The following LIPE variants were observed in gnomAD, a reference collection of about 807,000 sequenced individuals.
LIPE encodes hormone-sensitive lipase.
Under a neutral mutation model 88.5 loss-of-function variants are expected in LIPE, and 66 were observed. The observed-to-expected ratio is 0.75, with a 90% CI of 0.61 to 0.91. LIPE has a LOEUF of 0.91. Ranked by LOEUF, LIPE falls within the 40% of genes least tolerant of loss-of-function variation. The probability of loss-of-function intolerance (pLI) is 0.00; values close to 1 mark genes in which losing one functional copy is unlikely to be tolerated. For missense variants in LIPE, 1,346 were observed against 1,434.7 expected (o/e 0.94, Z 1.00); for synonymous variants, 570 against 617.5 (o/e 0.92, Z 1.14).
chr19:42,405,349 C>T, intron 8 of LIPE, 36 bp downstream of exon 8: 1 of 1,600,294 alleles, frequency 6.2e-7, no homozygotes. Context: ...CTCCTGCCCA[C>T]CCTGGCTGGG....
At chr19:42,423,408 C>G (rs769422450) in intron 1 of LIPE, 3 of 1,289,470 alleles carry the variant, frequency 2.3e-6, no homozygotes, top group South Asian at 1.2e-5. Context: ...TGCCGGTCTC[C>G]GCGCGCTCAC....
chr19:42,403,083 T>C, intron 8 of LIPE, 52 bp from the exon 9 acceptor site: 3 of 1,477,270 alleles, frequency 2.0e-6, no homozygotes. Flanking sequence ...GTTGTGTGTG[T>C]GGCTGGCAGG....
chr19:42,407,380 C>A lies in LIPE; in HGVS notation c.1931G>T (p.Arg644Leu). The change falls in exon 6 of 10, where the codon CGG (arginine) becomes CTG (leucine). Residue 644 changes from arginine to leucine, a missense_variant. Physicochemically the swap from Arg to Leu is moderately radical, Grantham distance 102 (BLOSUM62 -2). Coordinates refer to ENST00000244289, the MANE Select transcript of LIPE (RefSeq NM_005357.4). This position sits in a 1 kb window ranked among gnomAD's most constrained non-coding sequence, Gnocchi z 5.8. ...GCCGTGGAAGTGCACTATCAGGGAC[C>A]GCGAGCGGGGTGCCTGCTGGGGGCG... ...WPRPQQAPRS[R>L]SLIVHFHGGG... is the part of the protein sequence containing the mutation. The A allele has an allele frequency of 6.2e-7, 1 of 1,613,542 alleles. No individual in the cohort carries two copies. The highest frequency in any genetic ancestry group is 8.5e-7 in the Non-Finnish European group (1 of 1,179,806).
At position 42,426,866 on chromosome 19, in the gene LIPE, G is replaced by T. The variant is rs1187422068; in HGVS notation, c.284C>A (p.Pro95Gln). 3.1e-6 allele frequency: 5 copies of T among 1,614,176 alleles called. No individual in the cohort carries two copies. Among genetic ancestry groups the T allele is most frequent in the Non-Finnish European group, 4.2e-6 (5 of 1,180,024 alleles). Residue 95 changes from proline to glutamine, a missense_variant, in exon 1 of 10, where the codon CCA becomes CAA. Pro to Gln is a moderately conservative substitution (Grantham distance 76). Transcript: ENST00000244289. ...CCTTTGGATGTAAGGTGATTGCTGT[G>T]GTGCGGGCTTCTGTGGGGCAAGAAA... ...EEFLAPQKPA[P>Q]QQSPYIQRVL...
chr19:42,409,450 T>G (rs940104962), intron 2 of LIPE, among the ~76,000 whole-genome samples: 1 of 142,148 alleles, frequency 7.0e-6, no homozygotes, highest in South Asian at 2.2e-4. Flanking sequence ...TTAGAGGAAA[T>G]GGAGCCATAG....
intron 1 of LIPE, chr19:42,423,994 A>AGCCTCTGC: frequency 8.5e-7 from 1 of 1,174,988 alleles, no homozygotes; most frequent in Non-Finnish European, 1.1e-6. Context: ...GGCGCCTCTG[A>AGCCTCTGC]GCCTCTGCCT....
At chr19:42,417,058 C>T (rs925333313) in intron 1 of LIPE, among the ~76,000 whole-genome samples, 5 of 152,040 alleles carry the variant, frequency 3.3e-5, no homozygotes, top group Admixed American at 2.0e-4. Context: ...GTAGCTGGGA[C>T]GACAGGCGCC....
At chr19:42,425,465 T>C (rs1207815321) in intron 1 of LIPE, among the ~76,000 whole-genome samples, 5 of 152,150 alleles carry the variant, frequency 3.3e-5, no homozygotes, top group Admixed American at 2.6e-4. Flanking sequence ...TGCATGGCCC[T>C]GTGCAAGAAC....
At chr19:42,417,639 C>T (rs1318699008) in intron 1 of LIPE, among the ~76,000 whole-genome samples, 1 of 152,164 alleles carries the variant, frequency 6.6e-6, no homozygotes, top group African/African-American at 2.4e-5. Context: ...CCTGCCTCAG[C>T]CTCTTGAATA....
At position 42,402,635 on chromosome 19, in the gene LIPE, A is replaced by G. The variant is rs1188486431; in HGVS notation, c.2939T>C (p.Leu980Pro). Residue 980 changes from leucine (L) to proline (P), a missense_variant, in exon 9 of 10, where the codon CTC becomes CCC. Transcript: ENST00000244289. ...MSPLLAPDSM[L>P]KSLPPVHIVA... is the part of the protein sequence containing the mutation. The stretch of plus-strand genomic sequence containing the variant: ...GATGTGCACAGGTGGCAGGCTCTTG[A>G]GCATGCTGTCGGGTGCCAGCAGCGG... The G allele has an allele frequency of 4.0e-6, 6 of 1,496,070 alleles. No homozygotes were observed. The South Asian group carries it at 8.3e-5, about 21-fold the overall frequency. 92.7% of individuals were successfully genotyped at this position (1,496,070 alleles called of 1,614,324 possible). A position where few individuals can be genotyped will look rare whatever the true frequency, so the allele number is the denominator to read the frequency against.
chr19:42,422,652 G>A (rs1380268591), intron 1 of LIPE, among the ~76,000 whole-genome samples: 3 of 152,164 alleles, frequency 2.0e-5, no homozygotes, highest in African/African-American at 7.2e-5. Context: ...TGTAACTGAG[G>A]ACCTGCCCCT....
At chr19:42,416,463 G>A (rs1001082562) in intron 1 of LIPE, among the ~76,000 whole-genome samples, 1 of 152,244 alleles carries the variant, frequency 6.6e-6, no homozygotes, top group Non-Finnish European at 1.5e-5. Context: ...TATTTTCAGT[G>A]TAGATAAAAC....
At chr19:42,409,655 A>G (rs1294321071) in intron 2 of LIPE, among the ~76,000 whole-genome samples, 1 of 152,222 alleles carries the variant, frequency 6.6e-6, no homozygotes, top group Non-Finnish European at 1.5e-5. Flanking sequence ...TGCGCCCAGT[A>G]GGCCAGAGGG....
intron 8 of LIPE, among the ~76,000 whole-genome samples, 153 bp downstream of exon 8, chr19:42,405,230 CCT>C (rs1330855042): frequency 6.6e-6 from 1 of 152,170 alleles, no homozygotes; most frequent in Admixed American, 6.5e-5. Flanking sequence ...ATCTTGAACC[CCT>C]GACCTCAAGT....
Position 42,410,774 on chromosome 19 carries a change from T to C in LIPE, c.952A>G (p.Asn318Asp). The part of the protein sequence containing the change: ...TQSLVTLAED[N>D]IAFFSSQGPG... ...CCCTGGCTCGAGAAGAAGGCTATGT[T>C]GTCCTCCGCCAGAGTCACCAGCGAC... Residue 318 changes from asparagine (N) to aspartate (D), a missense_variant, in exon 2 of 10, where the codon AAC (asparagine) becomes GAC (aspartate). Asn to Asp is a conservative substitution (Grantham distance 23). Transcript: ENST00000244289. The surrounding 1 kb of genome is among the most constrained non-coding windows in gnomAD (Gnocchi z 6.1). 4 of 1,609,178 alleles carry C rather than the reference T, an allele frequency of 2.5e-6. No individual in the cohort carries two copies. Among genetic ancestry groups the C allele is most frequent in the Non-Finnish European group, 3.4e-6 (4 of 1,177,084 alleles).
Position 42,426,977 on chromosome 19 carries a change from AG to A in LIPE, c.172del (p.Leu58SerfsTer62), listed in dbSNP as rs1227393379. The A allele has an allele frequency of 6.2e-7, 1 of 1,613,412 alleles. No individual in the cohort carries two copies. The highest frequency in any genetic ancestry group is 8.5e-7 in the Non-Finnish European group (1 of 1,179,892). ...QQKPASNQRP[L>X]TQQETPAQHD... ...TTGTGCAGGGGTCTCCTGCTGGGTG[AG>A]GGGTCTTTGGTTTGAAGCAGGCTTC... On this transcript the variant is annotated frameshift_variant, in exon 1 of 10. Coordinates refer to ENST00000244289, the MANE Select transcript of LIPE (RefSeq NM_005357.4). LOFTEE classifies it high-confidence loss of function.
At position 42,410,886 on chromosome 19, in the gene LIPE, C is replaced by G. The variant is rs2040356571; in HGVS notation, c.884-44G>C. On this transcript the variant is annotated intron_variant, in intron 1 of 9. Coordinates refer to ENST00000244289, the MANE Select transcript of LIPE (RefSeq NM_005357.4). The surrounding 1 kb of genome is among the most constrained non-coding windows in gnomAD (Gnocchi z 6.1). ...GCCTGTTAGGTGGGGCTGGATCAAG[C>G]CTTGCTTAGCTGGGGCCCAGGAGTC... 9.3e-6 allele frequency: 14 copies of G among 1,502,478 alleles called. No individual in the cohort carries two copies. Among genetic ancestry groups the G allele is most frequent in the Non-Finnish European group, 1.2e-5 (14 of 1,127,320 alleles). The allele number at this position is 1,502,478 out of a possible 1,614,324, so 93.1% of individuals were successfully genotyped here. A position where few individuals can be genotyped will look rare whatever the true frequency, so the allele number is the denominator to read the frequency against.
At chr19:42,403,281 G>GTA (rs1235143306) in intron 8 of LIPE, among the ~76,000 whole-genome samples, 1 of 148,588 alleles carries the variant, frequency 6.7e-6, no homozygotes, top group East Asian at 2.0e-4. Context: ...GTGTGTGTGT[G>GTA]TGTGTGTGTG....
At chr19:42,409,121 A>G (rs2040288870) in intron 2 of LIPE, among the ~76,000 whole-genome samples, 1 of 152,086 alleles carries the variant, frequency 6.6e-6, no homozygotes, top group Non-Finnish European at 1.5e-5. Context: ...GGAGATGGCC[A>G]GAGACAGCCC....
Sources: allele counts gnomAD v4.1 joint callset (sites outside exome capture counted in the v4.1 genomes callset), GRCh38; gene constraint gnomAD v4.1.1; non-coding constraint Gnocchi (gnomAD v3.1); transcripts MANE v1.5; gene names NCBI Gene and HGNC (gene_info 2026-07-23, HGNC 2026-07-21).